Variants in LDLRAD3 observed in about 807,000 individuals in gnomAD.
The protein encoded by LDLRAD3 is low-density lipoprotein receptor class A domain-containing protein 3.
In LDLRAD3, 20 loss-of-function variants were observed where a neutral mutation model predicts 29.4. The observed-to-expected ratio is 0.68, with a 90% confidence interval of 0.48 to 0.99. LDLRAD3 has a LOEUF of 0.99. LDLRAD3 is among the 50% of genes least tolerant of loss of function. The pLI, the probability that LDLRAD3 is intolerant of heterozygous loss-of-function variation, is 0.00. For missense variants in LDLRAD3, 420 were observed against 454.3 expected (o/e 0.92, Z 0.69); for synonymous variants, 157 against 192.7 (o/e 0.81, Z 1.53).
chr11:36,219,761 T>A (rs1855403151), intron 4 of LDLRAD3, among the ~76,000 whole-genome samples: 1 of 152,138 alleles, frequency 6.6e-6, no homozygotes, highest in Admixed American at 6.5e-5. Flanking sequence ...ACACAAACCA[T>A]TAAGAAGGAA....
intron 1 of LDLRAD3, among the ~76,000 whole-genome samples, chr11:35,961,395 T>C (rs1443755702): frequency 6.6e-6 from 1 of 152,248 alleles, no homozygotes; most frequent in African/African-American, 2.4e-5. Context: ...TGCGTGACCT[T>C]ACTTAGGCCA....
intron 2 of LDLRAD3, among the ~76,000 whole-genome samples, chr11:36,036,990 A>G (rs185472813): frequency 6.6e-6 from 1 of 152,270 alleles, no homozygotes; most frequent in Non-Finnish European, 1.5e-5. Flanking sequence ...GTGTCAAATG[A>G]TCCTGCTCCC....
chr11:36,163,614 A>G (rs947629968), intron 4 of LDLRAD3: 2 of 146,488 alleles, frequency 1.4e-5, no homozygotes, highest in African/African-American at 5.0e-5. Flanking sequence ...TGCCTTTCCC[A>G]CCCCTTCACT....
intron 1 of LDLRAD3, among the ~76,000 whole-genome samples, chr11:36,023,504 G>C (rs1346680758): frequency 1.4e-4 from 21 of 152,212 alleles, no homozygotes; most frequent in Admixed American, 1.1e-3. Flanking sequence ...TTGCTCTCTG[G>C]GTTTTAGTCT....
chr11:35,995,022 A>G (rs1851736392), intron 1 of LDLRAD3, among the ~76,000 whole-genome samples: 2 of 152,210 alleles, frequency 1.3e-5, no homozygotes, highest in Non-Finnish European at 2.9e-5. Context: ...GAGGGTTGGA[A>G]TCAGTTTCCT....
intron 2 of LDLRAD3, among the ~76,000 whole-genome samples, chr11:36,075,642 C>T (rs1383559398): frequency 2.0e-5 from 3 of 152,182 alleles, no homozygotes; most frequent in African/African-American, 7.2e-5. Context: ...ACAGTTATTA[C>T]AATAGTGTCT....
In LDLRAD3 at chr11:35,975,149, C is replaced by T. The variant is rs959925436; in HGVS notation, c.46+31005C>T. Among the ~76,000 whole-genome samples the T allele has an allele frequency of 7.2e-5, 11 of 152,316 alleles. No individual in the cohort carries two copies. In the East Asian group the frequency reaches 2.1e-3, roughly 29 times the overall value. On this transcript the variant is annotated intron_variant, in intron 1 of 5. Transcript: ENST00000315571. ...ACTTCATGTCCATAATCCATGTCTC[C>T]AGGCTGTGATAACCTAGGAACTGCT...
chr11:35,979,482 G>T (rs11033355), intron 1 of LDLRAD3, among the ~76,000 whole-genome samples: 2,331 of 152,278 alleles, frequency 0.015, 63 homozygotes, highest in African/African-American at 0.053. Context: ...AGTTGCAGTT[G>T]TGTTGTAGTA....
intron 4 of LDLRAD3, among the ~76,000 whole-genome samples, chr11:36,150,171 G>A (rs747202932): frequency 2.0e-5 from 3 of 152,130 alleles, no homozygotes; most frequent in South Asian, 2.1e-4. Flanking sequence ...CTTGGACACC[G>A]GTATCTGAGA....
chr11:36,115,018 A>G (rs1013929327), intron 4 of LDLRAD3, among the ~76,000 whole-genome samples: 15 of 152,216 alleles, frequency 9.9e-5, no homozygotes, highest in African/African-American at 3.6e-4. Context: ...AAAAGGCGAC[A>G]TGGCCTCTTC....
chr11:36,092,819 G>A (rs993633397), intron 3 of LDLRAD3, among the ~76,000 whole-genome samples: 1 of 152,188 alleles, frequency 6.6e-6, no homozygotes, highest in African/African-American at 2.4e-5. Flanking sequence ...TTTTCCTTGA[G>A]GAAGCTCCTG....
chr11:36,092,842 C>T (rs1456134341), intron 3 of LDLRAD3, among the ~76,000 whole-genome samples: 1 of 152,246 alleles, frequency 6.6e-6, no homozygotes, highest in Admixed American at 6.5e-5. Context: ...ACTTTCAAGG[C>T]ATGAACATTG....
At chr11:36,218,518 C>G (rs1299692652) in intron 4 of LDLRAD3, among the ~76,000 whole-genome samples, 1 of 152,196 alleles carries the variant, frequency 6.6e-6, no homozygotes, top group Admixed American at 6.5e-5. Context: ...GGTTTTCTTC[C>G]TGGCCTGGGC....
At chr11:36,097,069 C>T (rs1198083096) in intron 3 of LDLRAD3, among the ~76,000 whole-genome samples, 1 of 152,108 alleles carries the variant, frequency 6.6e-6, no homozygotes, top group African/African-American at 2.4e-5. Flanking sequence ...TTTGTGCTGA[C>T]CTTGTACTGG....
At chr11:36,004,480 G>A (rs1330921462) in intron 1 of LDLRAD3, among the ~76,000 whole-genome samples, 2 of 152,234 alleles carry the variant, frequency 1.3e-5, no homozygotes, top group Non-Finnish European at 2.9e-5. Context: ...CTCTGCTTCT[G>A]TGAGTCTGCA....
At chr11:36,142,604 T>G (rs1175782187) in intron 4 of LDLRAD3, among the ~76,000 whole-genome samples, 3 of 152,104 alleles carry the variant, frequency 2.0e-5, no homozygotes, top group African/African-American at 7.2e-5. Context: ...CTCCTGCACT[T>G]AGTCTTAAGC....
In LDLRAD3 at chr11:36,083,152, C is replaced by T. The variant is rs371459002; in HGVS notation, c.319+1374C>T. On this transcript the variant is annotated intron_variant, in intron 3 of 5. Coordinates refer to ENST00000315571, the MANE Select transcript of LDLRAD3 (RefSeq NM_174902.4). Reference sequence around the variant, plus strand: ...CTCGGCCAGTGTGATACAATCGTTACGATCAAACCTGTGTTAACACATCAA... The same window carrying T: ...CTCGGCCAGTGTGATACAATCGTTATGATCAAACCTGTGTTAACACATCAA... Among the ~76,000 whole-genome samples, 14 of 152,312 alleles carry T rather than the reference C, an allele frequency of 9.2e-5. No individual in the cohort carries two copies. The East Asian group carries it at 1.2e-3, about 13-fold the overall frequency.
intron 4 of LDLRAD3, among the ~76,000 whole-genome samples, chr11:36,138,750 T>G: frequency 6.6e-6 from 1 of 152,226 alleles, no homozygotes; most frequent in East Asian, 1.9e-4. Context: ...TTGGGGGGTT[T>G]GAGGGGTAGG....
chr11:36,055,078 G>GTTGGATGA (rs1449191617), intron 2 of LDLRAD3, among the ~76,000 whole-genome samples: 1 of 13,686 alleles, frequency 7.3e-5, no homozygotes, highest in Non-Finnish European at 1.6e-4. Flanking sequence ...TGGATAGATG[G>GTTGGATGA]ATGGATGGAT....
Sources: allele counts gnomAD v4.1 joint callset (sites outside exome capture counted in the v4.1 genomes callset), GRCh38; gene constraint gnomAD v4.1.1; transcripts MANE v1.5; gene names NCBI Gene and HGNC (gene_info 2026-07-23, HGNC 2026-07-21).